Variants in SHANK2 observed in about 807,000 individuals in gnomAD.
SHANK2 encodes SH3 and multiple ankyrin repeat domains 2.
SHANK2 carries 43 observed loss-of-function variants against 133.7 expected under a neutral mutation model. That is an observed-to-expected ratio of 0.32 (90% CI 0.25 to 0.41). SHANK2 has a LOEUF of 0.41. Among genes scored for constraint, SHANK2 ranks in the 10% least tolerant of loss-of-function variants. The pLI is 1.00. For missense variants in SHANK2, 1,994 were observed against 2,235.8 expected, an observed-to-expected ratio of 0.89 and a Z score of 2.18; for synonymous variants, 1,017 against 952.8, an observed-to-expected ratio of 1.07 and a Z score of -1.24.
At chr11:70,752,456 C>T (rs1212301170) in intron 14 of SHANK2, among the ~76,000 whole-genome samples, 5 of 152,164 alleles carry the variant, frequency 3.3e-5, no homozygotes, top group African/African-American at 7.2e-5. Flanking sequence ...CGGTGGCTCA[C>T]GCCTGTAATC....
At chr11:71,222,668 G>A (rs530474134) in intron 2 of SHANK2, among the ~76,000 whole-genome samples, 2 of 152,366 alleles carry the variant, frequency 1.3e-5, no homozygotes, top group Admixed American at 1.3e-4. Context: ...GCAGCTGACT[G>A]CTGACAACAT....
intron 10 of SHANK2, among the ~76,000 whole-genome samples, chr11:70,928,870 C>G (rs1555082051): frequency 6.6e-6 from 1 of 152,122 alleles, no homozygotes; most frequent in Non-Finnish European, 1.5e-5. Flanking sequence ...AAGATGCACA[C>G]ACTGAAGAAC....
At chr11:70,502,367 G>T in intron 18 of SHANK2, 81 bp from the exon 19 acceptor site, 2 of 1,354,664 alleles carry the variant, frequency 1.5e-6, no homozygotes, top group Non-Finnish European at 2.0e-6. Context: ...TGGCCCTGTG[G>T]CTGGCAGGTG....
At chr11:71,116,201 T>A (rs1555100302) in intron 4 of SHANK2, among the ~76,000 whole-genome samples, 1 of 152,222 alleles carries the variant, frequency 6.6e-6, no homozygotes, top group Non-Finnish European at 1.5e-5. Context: ...GAATCCCTAG[T>A]CACTGAGTAG....
intron 2 of SHANK2, among the ~76,000 whole-genome samples, chr11:71,148,823 A>G (rs187511049): frequency 6.6e-6 from 1 of 152,350 alleles, no homozygotes; most frequent in African/African-American, 2.4e-5. Context: ...CAAACCACAT[A>G]CTATCATTTC....
intron 21 of SHANK2, among the ~76,000 whole-genome samples, 166 bp from the exon 22 acceptor site, chr11:70,492,631 C>CT (rs782596824): frequency 3.9e-5 from 6 of 152,190 alleles, no homozygotes; most frequent in Admixed American, 6.5e-5. Flanking sequence ...TGCATTCCCA[C>CT]TGGGGCATGG....
At chr11:71,068,674 A>G (rs1483363599) in intron 9 of SHANK2, among the ~76,000 whole-genome samples, 1 of 152,232 alleles carries the variant, frequency 6.6e-6, no homozygotes, top group African/African-American at 2.4e-5. Flanking sequence ...ATTCTTCAGC[A>G]TCACTGGGAT....
At chr11:70,728,427 A>G (rs1229699275) in intron 14 of SHANK2, among the ~76,000 whole-genome samples, 1 of 152,250 alleles carries the variant, frequency 6.6e-6, no homozygotes, top group East Asian at 1.9e-4. Context: ...ATATAACTCA[A>G]GACAGCCTGG....
chr11:70,820,447 C>A lies in SHANK2; in HGVS notation c.1410G>T (p.Gly470=). The change falls in exon 12 of 26, where the codon GGG becomes GGT. Residue 470 remains glycine (G), a synonymous_variant. Transcript: ENST00000601538. ...AAKTIGSYVP[G]PRSRSPSLNR... The stretch of plus-strand genomic sequence containing the variant: ...TGAGCGATGGGGACCGGCTGCGGGG[C>A]CCGGGCACGTAGCTCCCAATGGTCT... 1 of 713,372 alleles carries A rather than the reference C, an allele frequency of 1.4e-6. No homozygotes were observed. The highest frequency in any genetic ancestry group is 2.6e-6 in the Non-Finnish European group (1 of 382,090). 44.2% of individuals were successfully genotyped at this position (713,372 alleles called of 1,614,324 possible).
intron 10 of SHANK2, among the ~76,000 whole-genome samples, chr11:70,924,083 G>C (rs1555081127): frequency 6.6e-6 from 1 of 152,180 alleles, no homozygotes; most frequent in African/African-American, 2.4e-5. Context: ...ACCATCACAG[G>C]GAAAGCCTTG....
intron 13 of SHANK2, among the ~76,000 whole-genome samples, chr11:70,805,182 C>A (rs1175994449): frequency 6.6e-6 from 1 of 152,178 alleles, no homozygotes; most frequent in Non-Finnish European, 1.5e-5. Context: ...CCAGCCTTCT[C>A]CTTGGGCATC....
chr11:71,250,194 T>C (rs140200782), intron 1 of SHANK2, among the ~76,000 whole-genome samples: 1 of 152,272 alleles, frequency 6.6e-6, no homozygotes, highest in East Asian at 1.9e-4. Context: ...ATCATCTTTA[T>C]AGGTGAAATC....
chr11:70,811,935 G>C (rs1175199237), intron 12 of SHANK2, among the ~76,000 whole-genome samples: 1 of 152,192 alleles, frequency 6.6e-6, no homozygotes, highest in Non-Finnish European at 1.5e-5. Flanking sequence ...AAGCCCAGCT[G>C]AACACTTACT....
rs1421730609 is a variant in SHANK2 at position 70,485,546 on chromosome 11, G to A, written c.4747C>T (p.Pro1583Ser). Residue 1583 changes from proline to serine, a missense_variant, in exon 25 of 26, where the codon CCG (proline) becomes TCG (serine). By Grantham distance (74) the Pro-to-Ser change is moderately conservative. Transcript: ENST00000601538. The surrounding 1 kb of genome is among the most constrained non-coding windows in gnomAD (Gnocchi z 5.8). ...DSFVIPPPAP[P>S]PPPGSAQPGM... is the part of the protein sequence containing the mutation. ...GGCTGGGCACTGCCCGGCGGGGGCG[G>A]GGGAGCGGGCGGGGGGATAACAAAG... 6.2e-7 allele frequency: 1 copy of A among 1,612,814 alleles called. No homozygotes were observed. Among genetic ancestry groups the A allele is most frequent in the Non-Finnish European group, 8.5e-7 (1 of 1,180,022 alleles).
intron 1 of SHANK2, among the ~76,000 whole-genome samples, chr11:71,227,080 A>C (rs571934569): frequency 2.0e-5 from 3 of 152,306 alleles, no homozygotes; most frequent in Non-Finnish European, 4.4e-5. Flanking sequence ...CCACTTAAAA[A>C]GCTATACAAA....
chr11:70,522,492 G>A (rs2059342874), intron 17 of SHANK2, among the ~76,000 whole-genome samples: 1 of 152,172 alleles, frequency 6.6e-6, no homozygotes. Flanking sequence ...TTCTTAGCTT[G>A]TCTCCAGCCA....
Position 70,528,812 on chromosome 11 carries a change from GGCGA to G in SHANK2, c.2062-25885_2062-25882del, listed in dbSNP as rs2059432047. Reference sequence around the variant, plus strand: ...AGGTGAAGGGGGGTCCGTGGCAGCCGGCGAGCTGGGAGAAGCACAGCACCCAGAG... The same window carrying G: ...AGGTGAAGGGGGGTCCGTGGCAGCCGGCTGGGAGAAGCACAGCACCCAGAG... On this transcript the variant is annotated intron_variant, in intron 17 of 25. Coordinates refer to ENST00000601538, the MANE Select transcript of SHANK2 (RefSeq NM_012309.5). Among the ~76,000 whole-genome samples the G allele has an allele frequency of 2.0e-5, 3 of 152,264 alleles. No individual in the cohort carries two copies. In the South Asian group the frequency reaches 6.2e-4, roughly 32 times the overall value.
chr11:71,224,162 G>A (rs782022577), intron 2 of SHANK2, among the ~76,000 whole-genome samples: 4 of 152,338 alleles, frequency 2.6e-5, no homozygotes, highest in African/African-American at 7.2e-5. Context: ...CAGCGTCAAC[G>A]TTGATAAGAT....
chr11:70,487,686 A>C lies in SHANK2; in HGVS notation c.2607T>G (p.Pro869=). The C allele has an allele frequency of 2.5e-6, 4 of 1,576,366 alleles. No individual in the cohort carries two copies. Among genetic ancestry groups the C allele is most frequent in the Non-Finnish European group, 3.4e-6 (4 of 1,161,140 alleles). Residue 869 remains proline (P), a synonymous_variant, in exon 25 of 26, where the codon CCT becomes CCG. Transcript: ENST00000601538. The surrounding 1 kb of genome is among the most constrained non-coding windows in gnomAD (Gnocchi z 5.8). Reference sequence around the variant, plus strand: ...GGCTTCTGGTGAACTTCAGCATTGGAGGAGCCAGAAACTGCCGCTCTTCCT... The same window carrying C: ...GGCTTCTGGTGAACTTCAGCATTGGCGGAGCCAGAAACTGCCGCTCTTCCT... The part of the protein sequence containing the change: ...ITEEERQFLA[P]PMLKFTRSLS...
Sources: allele counts gnomAD v4.1 joint callset (sites outside exome capture counted in the v4.1 genomes callset), GRCh38; gene constraint gnomAD v4.1.1; non-coding constraint Gnocchi (gnomAD v3.1); transcripts MANE v1.5; gene names NCBI Gene and HGNC (gene_info 2026-07-23, HGNC 2026-07-21).